The following XKR9 variants were observed in gnomAD, a reference collection of about 807,000 sequenced individuals.
XKR9 encodes XK-related protein 9.
Under a neutral mutation model 32.0 loss-of-function variants are expected in XKR9, and 32 were observed. The observed-to-expected ratio is 1.00, with a 90% CI of 0.76 to 1.34. The LOEUF is 1.34. Among genes scored for constraint, XKR9 ranks in the 40% most tolerant of loss-of-function variants. The pLI is 0.00. For missense variants in XKR9, 546 were observed against 429.7 expected (o/e 1.27, Z -2.39); for synonymous variants, 168 against 143.4 (o/e 1.17, Z -1.22).
chr8:70,709,664 C>A (rs1805842542), intron 4 of XKR9, among the ~76,000 whole-genome samples: 1 of 152,078 alleles, frequency 6.6e-6, no homozygotes, highest in African/African-American at 2.4e-5. Flanking sequence ...CATGTCCAAG[C>A]TGAGAGCCAA....
At chr8:70,850,752 T>C in the XKR9 span, among the ~76,000 whole-genome samples, 1 of 152,222 alleles carries the variant, frequency 6.6e-6, no homozygotes, top group Non-Finnish European at 1.5e-5. Flanking sequence ...CTAAAAACAC[T>C]TGGTAAACAA....
At chr8:70,776,774 T>G (rs954533746) in intron 2 of XKR9, among the ~76,000 whole-genome samples, 2 of 151,836 alleles carry the variant, frequency 1.3e-5, no homozygotes, top group Non-Finnish European at 2.9e-5. Context: ...AAGGGCCTTC[T>G]CCTGCCACCT....
chr8:70,802,205 G>A, the XKR9 span, among the ~76,000 whole-genome samples: 2 of 152,046 alleles, frequency 1.3e-5, no homozygotes, highest in African/African-American at 4.8e-5. Context: ...CAAAGTGCTG[G>A]GATTACAGGC....
chr8:70,774,829 C>A (rs1422502990), intron 2 of XKR9, among the ~76,000 whole-genome samples: 1 of 152,088 alleles, frequency 6.6e-6, no homozygotes, highest in African/African-American at 2.4e-5. Context: ...AGCCCTGCAA[C>A]TTTGTTCTTT....
At chr8:70,669,891 C>T (rs1818648892) in intron 1 of XKR9, among the ~76,000 whole-genome samples, 1 of 152,184 alleles carries the variant, frequency 6.6e-6, no homozygotes, top group East Asian at 1.9e-4. Context: ...AGGTCTTGAT[C>T]TCCTGACCTC....
the XKR9 span, among the ~76,000 whole-genome samples, chr8:70,873,920 A>T: frequency 2.6e-5 from 4 of 152,214 alleles, no homozygotes; most frequent in Admixed American, 2.0e-4. Flanking sequence ...GTCTTATTTT[A>T]ACAAATTGCC....
chr8:70,766,335 G>T (rs1346059933), intron 2 of XKR9, among the ~76,000 whole-genome samples: 1 of 152,104 alleles, frequency 6.6e-6, no homozygotes, highest in African/African-American at 2.4e-5. Flanking sequence ...TTTGTAAGTT[G>T]TATTCCTAGG....
At chr8:70,966,734 A>G in the XKR9 span, among the ~76,000 whole-genome samples, 1 of 152,118 alleles carries the variant, frequency 6.6e-6, no homozygotes, top group Non-Finnish European at 1.5e-5. Flanking sequence ...AAGTCTCCCA[A>G]TATTATTGTG....
chr8:70,839,490 G>A, the XKR9 span, among the ~76,000 whole-genome samples: 3 of 152,184 alleles, frequency 2.0e-5, no homozygotes, highest in South Asian at 2.1e-4. Context: ...AAACATAGCC[G>A]CCAACATTAC....
chr8:70,972,554 G>A, the XKR9 span, among the ~76,000 whole-genome samples: 1 of 152,030 alleles, frequency 6.6e-6, no homozygotes, highest in Non-Finnish European at 1.5e-5. Context: ...GTTTTTAGGG[G>A]GAATGCTTTC....
At chr8:70,782,343 T>C (rs966706054) in intron 2 of XKR9, among the ~76,000 whole-genome samples, 1 of 152,226 alleles carries the variant, frequency 6.6e-6, no homozygotes, top group African/African-American at 2.4e-5. Flanking sequence ...ATGAATATGA[T>C]GTTAAATAAT....
chr8:70,878,824 C>G, the XKR9 span, among the ~76,000 whole-genome samples: 1 of 152,186 alleles, frequency 6.6e-6, no homozygotes, highest in African/African-American at 2.4e-5. Flanking sequence ...ATCTACAGAA[C>G]TCTCCACCCC....
the XKR9 span, among the ~76,000 whole-genome samples, chr8:70,987,675 A>G: frequency 6.6e-6 from 1 of 152,220 alleles, no homozygotes; most frequent in Non-Finnish European, 1.5e-5. Flanking sequence ...TGGTGGATCT[A>G]CCATTCTGGG....
the XKR9 span, among the ~76,000 whole-genome samples, chr8:70,806,214 C>T: frequency 5.9e-5 from 9 of 152,158 alleles, no homozygotes; most frequent in African/African-American, 2.2e-4. Context: ...AAAGTAACAA[C>T]AATAGCATCG....
At chr8:70,996,777 C>A in the XKR9 span, among the ~76,000 whole-genome samples, 1 of 152,162 alleles carries the variant, frequency 6.6e-6, no homozygotes, top group South Asian at 2.1e-4. Flanking sequence ...TACCCTGAAG[C>A]AGGCCATAAA....
chr8:70,738,116 G>A (rs1806897298), downstream of XKR9, among the ~76,000 whole-genome samples: 1 of 127,064 alleles, frequency 7.9e-6, no homozygotes, highest in South Asian at 2.3e-4. Flanking sequence ...TTTTTGGTTG[G>A]TAAGCTATTG....
At chr8:70,726,268 A>G (rs1806467002) in intron 4 of XKR9, among the ~76,000 whole-genome samples, 1 of 152,240 alleles carries the variant, frequency 6.6e-6, no homozygotes, top group South Asian at 2.1e-4. Flanking sequence ...CATTTTAAGA[A>G]TGGATGAAAC....
chr8:70,836,534 A>G, the XKR9 span, among the ~76,000 whole-genome samples: 4 of 152,106 alleles, frequency 2.6e-5, no homozygotes, highest in East Asian at 7.7e-4. Flanking sequence ...ATTTCTGACT[A>G]TTATTTCATT....
At chr8:71,033,280 C>T in the XKR9 span, among the ~76,000 whole-genome samples, 11 of 152,208 alleles carry the variant, frequency 7.2e-5, no homozygotes, top group South Asian at 2.1e-4. Context: ...GTTCTGACTT[C>T]TTTTAATTTG....
Sources: allele counts gnomAD v4.1 joint callset (sites outside exome capture counted in the v4.1 genomes callset), GRCh38; gene constraint gnomAD v4.1.1; transcripts MANE v1.5; gene names NCBI Gene and HGNC (gene_info 2026-07-23, HGNC 2026-07-21).